Variants in ITPRID1 observed in about 807,000 individuals in gnomAD.
ITPRID1 encodes protein ITPRID1.
In ITPRID1, 96 loss-of-function variants were observed where a neutral mutation model predicts 95.4. The ratio of observed to expected loss-of-function variants is 1.01; its 90% CI spans 0.85 to 1.19. ITPRID1 has a LOEUF of 1.19. Among genes scored for constraint, ITPRID1 ranks in the 50% most tolerant of loss-of-function variants. ITPRID1 has a pLI of 0.00. For synonymous variants in ITPRID1, 510 were observed against 453.6 expected (o/e 1.12, Z -1.58); for missense variants, 1,339 against 1,252.9 (o/e 1.07, Z -1.04).
chr7:31,585,928 C>T (rs535089846), intron 10 of ITPRID1, among the ~76,000 whole-genome samples: 9 of 149,168 alleles, frequency 6.0e-5, no homozygotes, highest in South Asian at 2.1e-4. Flanking sequence ...CATGCTGGTG[C>T]GCTGCACCCA....
Position 31,652,065 on chromosome 7 carries a change from G to C in ITPRID1, c.2823+15G>C. On this transcript the variant is annotated intron_variant, in intron 14 of 14. Coordinates refer to ENST00000615280, the MANE Select transcript of ITPRID1 (RefSeq NM_001257967.3). ...GGATTTTACTGGTATGGGTGATGGG[G>C]TGTGGAGTTTGACTATATCCAGCCT... 1 of 1,556,506 alleles carries C rather than the reference G, an allele frequency of 6.4e-7. No homozygotes were observed. The highest frequency in any genetic ancestry group is 8.8e-7 in the Non-Finnish European group (1 of 1,140,630).
intron 5 of ITPRID1, among the ~76,000 whole-genome samples, chr7:31,563,718 A>G (rs1349925521): frequency 6.6e-6 from 1 of 152,096 alleles, no homozygotes; most frequent in East Asian, 1.9e-4. Context: ...GGAAGAAGTT[A>G]TAATGAACTC....
intron 5 of ITPRID1, among the ~76,000 whole-genome samples, chr7:31,559,852 G>A (rs1261006893): frequency 2.0e-5 from 3 of 152,150 alleles, no homozygotes; most frequent in African/African-American, 4.8e-5. Flanking sequence ...GAACAAACAT[G>A]ACATCAGCTC....
At chr7:31,527,441 T>A (rs1783455853) in intron 1 of ITPRID1, among the ~76,000 whole-genome samples, 1 of 152,156 alleles carries the variant, frequency 6.6e-6, no homozygotes, top group Admixed American at 6.6e-5. Context: ...TATTATAGGA[T>A]AACTGTGTAG....
intron 10 of ITPRID1, among the ~76,000 whole-genome samples, chr7:31,617,156 G>T (rs971684178): frequency 6.6e-6 from 1 of 152,052 alleles, no homozygotes; most frequent in Non-Finnish European, 1.5e-5. Context: ...TGAAGCATTT[G>T]CCATCTTTCA....
At chr7:31,632,486 G>T (rs1479164937) in intron 10 of ITPRID1, among the ~76,000 whole-genome samples, 1 of 152,044 alleles carries the variant, frequency 6.6e-6, no homozygotes, top group African/African-American at 2.4e-5. Flanking sequence ...TCCATGACAG[G>T]ATGGAACCAT....
At chr7:31,542,179 G>A (rs1783953883) in intron 1 of ITPRID1, among the ~76,000 whole-genome samples, 1 of 152,124 alleles carries the variant, frequency 6.6e-6, no homozygotes, top group Non-Finnish European at 1.5e-5. Context: ...TGGTGAGCTT[G>A]CGATTTGAAT....
In ITPRID1 at chr7:31,554,510, G is replaced by A; in HGVS notation, c.199G>A (p.Asp67Asn). ...GCAAGAAAGTATTCAGCAGTGGCTGGACTCTGGATTCTTGTAAGTGTTTTT... is the reference window on the plus strand; with the variant it reads ...GCAAGAAAGTATTCAGCAGTGGCTGAACTCTGGATTCTTGTAAGTGTTTTT... ...SKQESIQQWL[D>N]SGFFVSANEN... The change falls in exon 4 of 15, where the codon GAC (aspartate) becomes AAC (asparagine). Residue 67 changes from aspartate (D) to asparagine (N), a missense_variant. Coordinates refer to ENST00000615280, the MANE Select transcript of ITPRID1 (RefSeq NM_001257967.3). 6.2e-7 allele frequency: 1 copy of A among 1,612,982 alleles called. No individual in the cohort carries two copies. Among genetic ancestry groups the A allele is most frequent in the South Asian group, 1.1e-5 (1 of 90,924 alleles).
chr7:31,593,274 A>C (rs879553348), intron 10 of ITPRID1, among the ~76,000 whole-genome samples: 1 of 152,182 alleles, frequency 6.6e-6, no homozygotes, highest in Non-Finnish European at 1.5e-5. Flanking sequence ...ACTGCACTCC[A>C]GCCTGAGAGA....
intron 10 of ITPRID1, among the ~76,000 whole-genome samples, chr7:31,586,148 G>A (rs1411020267): frequency 7.6e-6 from 1 of 131,410 alleles, no homozygotes; most frequent in Non-Finnish European, 1.6e-5. Context: ...TTTCATCCAT[G>A]TCCCTACAAA....
intron 10 of ITPRID1, among the ~76,000 whole-genome samples, chr7:31,636,997 A>C (rs1347447949): frequency 6.7e-6 from 1 of 149,164 alleles, no homozygotes; most frequent in Admixed American, 6.8e-5. Flanking sequence ...TTGGTTTTTC[A>C]TCCTTGCGAT....
intron 2 of ITPRID1, among the ~76,000 whole-genome samples, chr7:31,551,292 T>C (rs1161556141): frequency 3.5e-5 from 5 of 143,644 alleles, no homozygotes; most frequent in African/African-American, 1.2e-4. Flanking sequence ...CCAAAACCTA[T>C]GTGAAGCTAA....
chr7:31,542,052 A>G (rs1783950183), intron 1 of ITPRID1, among the ~76,000 whole-genome samples: 1 of 152,218 alleles, frequency 6.6e-6, no homozygotes, highest in African/African-American at 2.4e-5. Flanking sequence ...AATGTAGGTA[A>G]AAATCCACAT....
At position 31,649,651 on chromosome 7, in the gene ITPRID1, TTAGGGCC is replaced by T. The variant is rs1334040543; in HGVS notation, c.2584-1488_2584-1482del. On this transcript the variant is annotated intron_variant, in intron 12 of 14. Transcript: ENST00000615280. ...GCCTGTGGGTCTGATAGAGATGGCT[TTAGGGCC>T]TAACAAGCATTAATATTACTCAAAG... 1.4e-4 allele frequency among the ~76,000 whole-genome samples: 22 copies of T among 152,284 alleles called. No individual in the cohort carries two copies. In the South Asian group the frequency reaches 4.4e-3, roughly 30 times the overall value.
At chr7:31,549,567 C>A in intron 2 of ITPRID1, 68 bp downstream of exon 2, 1 of 1,132,166 alleles carries the variant, frequency 8.8e-7, no homozygotes, top group Non-Finnish European at 1.2e-6. Context: ...ATTTCATACT[C>A]ATTATAGATA....
intron 1 of ITPRID1, among the ~76,000 whole-genome samples, chr7:31,539,111 G>GTT (rs1391834723): frequency 6.6e-6 from 1 of 152,192 alleles, no homozygotes; most frequent in African/African-American, 2.4e-5. Context: ...TTGCTTCCAA[G>GTT]TTTTGACAGT....
chr7:31,618,127 T>G (rs1354542706), intron 10 of ITPRID1, among the ~76,000 whole-genome samples: 1 of 152,306 alleles, frequency 6.6e-6, no homozygotes, highest in East Asian at 1.9e-4. Context: ...CCCATCATTG[T>G]GATAGGAGCA....
intron 10 of ITPRID1, among the ~76,000 whole-genome samples, chr7:31,630,943 T>G (rs1232339488): frequency 6.6e-6 from 1 of 151,942 alleles, no homozygotes; most frequent in African/African-American, 2.4e-5. Flanking sequence ...GGATGAGAGG[T>G]AGAAACAGTC....
chr7:31,636,964 C>G (rs1789547979), intron 10 of ITPRID1, among the ~76,000 whole-genome samples: 1 of 147,632 alleles, frequency 6.8e-6, no homozygotes. Flanking sequence ...CAGTTCCCAC[C>G]TATGAGTGAG....
Sources: allele counts gnomAD v4.1 joint callset (sites outside exome capture counted in the v4.1 genomes callset), GRCh38; gene constraint gnomAD v4.1.1; transcripts MANE v1.5; gene names NCBI Gene and HGNC (gene_info 2026-07-23, HGNC 2026-07-21).